SAMD4A: variants seen among roughly 807,000 people sequenced by gnomAD.
SAMD4A encodes the protein protein Smaug homolog 1.
SAMD4A carries 33 observed loss-of-function variants against 81.3 expected under a neutral mutation model. That is an observed-to-expected ratio of 0.41 (90% confidence interval 0.31 to 0.54). SAMD4A has a LOEUF of 0.54. Among genes scored for constraint, SAMD4A ranks in the 20% least tolerant of loss-of-function variants. The probability of loss-of-function intolerance (pLI) is 0.37; values close to 1 mark genes in which losing one functional copy is unlikely to be tolerated. For missense variants in SAMD4A, 854 were observed against 951.1 expected (o/e 0.90, Z 1.34); for synonymous variants, 389 against 382.1 (o/e 1.02, Z -0.21).
intron 4 of SAMD4A, among the ~76,000 whole-genome samples, chr14:54,742,706 G>A (rs1348816609): frequency 6.6e-6 from 1 of 152,180 alleles, no homozygotes; most frequent in Non-Finnish European, 1.5e-5. Flanking sequence ...CACCAACTGA[G>A]TATGCTTATG....
At chr14:54,636,490 A>G (rs941417603) in intron 2 of SAMD4A, among the ~76,000 whole-genome samples, 2 of 152,192 alleles carry the variant, frequency 1.3e-5, no homozygotes, top group African/African-American at 4.8e-5. Flanking sequence ...CTTATACTTT[A>G]AAAAGAGAAC....
At chr14:54,724,966 T>C (rs1326593280) in intron 3 of SAMD4A, among the ~76,000 whole-genome samples, 1 of 152,228 alleles carries the variant, frequency 6.6e-6, no homozygotes, top group Admixed American at 6.5e-5. Context: ...TCACAGGCAA[T>C]TGGCTCTAGG....
At chr14:54,683,276 G>A (rs2036173404) in intron 2 of SAMD4A, among the ~76,000 whole-genome samples, 1 of 152,208 alleles carries the variant, frequency 6.6e-6, no homozygotes, top group Non-Finnish European at 1.5e-5. Context: ...AGAGTCTGAG[G>A]CACAGGACCA....
intron 2 of SAMD4A, among the ~76,000 whole-genome samples, chr14:54,698,869 T>A (rs2036639438): frequency 6.6e-6 from 1 of 152,198 alleles, no homozygotes; most frequent in Non-Finnish European, 1.5e-5. Context: ...AGCGGTTACA[T>A]GGAGATAACA....
At chr14:54,783,169 AAAAAAC>A (rs2039044050) in intron 11 of SAMD4A, among the ~76,000 whole-genome samples, 1 of 151,630 alleles carries the variant, frequency 6.6e-6, no homozygotes. Flanking sequence ...AAAAAAAAAA[AAAAAAC>A]AAAAAGGATT....
chr14:54,762,518 C>G (rs1261993401), intron 7 of SAMD4A, among the ~76,000 whole-genome samples: 5 of 152,202 alleles, frequency 3.3e-5, no homozygotes, highest in Admixed American at 3.3e-4. Context: ...CCACCCACCC[C>G]TTAGCTGTGT....
chr14:54,685,275 C>CG (rs1491265844), intron 2 of SAMD4A, among the ~76,000 whole-genome samples: 2 of 5,794 alleles, frequency 3.5e-4, no homozygotes, highest in Admixed American at 7.2e-3. Flanking sequence ...ATTCTTCCTG[C>CG]CCCCCCCCCC....
intron 4 of SAMD4A, among the ~76,000 whole-genome samples, chr14:54,738,750 C>A (rs1000640521): frequency 6.6e-6 from 1 of 152,196 alleles, no homozygotes; most frequent in African/African-American, 2.4e-5. Context: ...GGTAGACTGG[C>A]TTGGCATCTG....
intron 2 of SAMD4A, among the ~76,000 whole-genome samples, chr14:54,676,918 A>G (rs560002395): frequency 1.3e-5 from 2 of 152,384 alleles, no homozygotes; most frequent in Admixed American, 1.3e-4. Flanking sequence ...CTCGCAGTCT[A>G]GAGCCTTGCA....
intron 9 of SAMD4A, among the ~76,000 whole-genome samples, chr14:54,772,009 C>T (rs1377012569): frequency 6.6e-6 from 1 of 152,202 alleles, no homozygotes; most frequent in Non-Finnish European, 1.5e-5. Context: ...AAGAATGAAT[C>T]GCTTGTGGAT....
upstream of SAMD4A, among the ~76,000 whole-genome samples, chr14:54,566,228 G>C (rs924106809): frequency 6.6e-6 from 1 of 151,134 alleles, no homozygotes; most frequent in Non-Finnish European, 1.5e-5. Context: ...CCGGCGCTCC[G>C]GGCGCCCCCA....
At chr14:54,576,001 CTTTTTTTTTTTTT>C (rs57819180) in intron 2 of SAMD4A, among the ~76,000 whole-genome samples, 14 of 79,998 alleles carry the variant, frequency 1.8e-4, no homozygotes, top group South Asian at 5.8e-4. Context: ...TTCTTTCTTT[CTTTTTTTTTTTTT>C]TTTTTTTTTT....
chr14:54,600,669 A>T (rs1489524391), intron 2 of SAMD4A, among the ~76,000 whole-genome samples: 3 of 152,216 alleles, frequency 2.0e-5, no homozygotes, highest in South Asian at 4.1e-4. Context: ...GAAAAATAAT[A>T]TGAGTCTTGT....
chr14:54,764,356 T>C (rs2038482122), intron 7 of SAMD4A, 99 bp from the exon 8 acceptor site: 3 of 793,368 alleles, frequency 3.8e-6, no homozygotes, highest in East Asian at 2.5e-5. Flanking sequence ...CAGACACACA[T>C]ACCTCTCAGA....
At chr14:54,731,252 G>C (rs908797736) in intron 3 of SAMD4A, among the ~76,000 whole-genome samples, 13 of 152,174 alleles carry the variant, frequency 8.5e-5, no homozygotes, top group African/African-American at 3.1e-4. Flanking sequence ...ATCTCCTGCA[G>C]CAAAACTTAA....
chr14:54,753,573 C>T (rs1023530637), intron 6 of SAMD4A, among the ~76,000 whole-genome samples: 17 of 152,146 alleles, frequency 1.1e-4, no homozygotes, highest in Admixed American at 2.6e-4. Flanking sequence ...TATGTCTTTC[C>T]TTTCTACATA....
chr14:54,650,752 T>C (rs2035386122), intron 2 of SAMD4A, among the ~76,000 whole-genome samples: 1 of 152,190 alleles, frequency 6.6e-6, no homozygotes, highest in Non-Finnish European at 1.5e-5. Flanking sequence ...TGTCAAGAGC[T>C]TATTCTGTCA....
chr14:54,755,059 G>A (rs901674701), intron 6 of SAMD4A, among the ~76,000 whole-genome samples: 4 of 152,154 alleles, frequency 2.6e-5, no homozygotes, highest in African/African-American at 4.8e-5. Flanking sequence ...GTGATGAGGT[G>A]GGAAGCCTTC....
intron 2 of SAMD4A, among the ~76,000 whole-genome samples, chr14:54,578,215 A>G (rs1250445730): frequency 2.6e-5 from 4 of 152,226 alleles, no homozygotes; most frequent in Admixed American, 1.3e-4. Flanking sequence ...TCTCCACTGT[A>G]GGAATTTAGT....
Sources: gnomAD v4.1 joint callset for allele counts (sites outside exome capture counted in the v4.1 genomes callset) on GRCh38, gnomAD v4.1.1 for gene constraint, MANE v1.5 for transcripts, NCBI Gene and HGNC (gene_info 2026-07-23, HGNC 2026-07-21) for gene names.